The following TMPRSS11A variants were observed in gnomAD, a reference collection of about 807,000 sequenced individuals.
TMPRSS11A encodes the protein transmembrane protease serine 11A.
A neutral mutation model predicts 58.9 loss-of-function variants in TMPRSS11A; 53 were observed. That is an observed-to-expected ratio of 0.90 (90% CI 0.72 to 1.13). The LOEUF is 1.13. TMPRSS11A is among the 50% of genes most tolerant of loss of function. The pLI is 0.00. For missense variants in TMPRSS11A, 493 were observed against 499.3 expected (o/e 0.99, Z 0.12); for synonymous variants, 167 against 169.8 (o/e 0.98, Z 0.13).
chr4:67,945,896 T>G (rs963897114), intron 2 of TMPRSS11A, among the ~76,000 whole-genome samples: 3 of 152,200 alleles, frequency 2.0e-5, no homozygotes, highest in Admixed American at 6.5e-5. Flanking sequence ...CCCTGAATAT[T>G]GTTTTGGAAA....
intron 3 of TMPRSS11A, among the ~76,000 whole-genome samples, chr4:67,942,249 T>A (rs1321275109): frequency 6.6e-6 from 1 of 152,178 alleles, no homozygotes; most frequent in African/African-American, 2.4e-5. Context: ...ATGTTTGTGT[T>A]CCCCTGAAAT....
rs1177672699 is a variant in TMPRSS11A, at chr4:67,910,431, A to C, written c.*911T>G. 2.0e-5 allele frequency: 3 copies of C among 152,054 alleles called. No individual in the cohort carries two copies. The highest frequency in any genetic ancestry group is 4.4e-5 in the Non-Finnish European group (3 of 67,934). The allele number at this position is 152,054 out of a possible 1,614,324, so 9.4% of individuals were successfully genotyped here. On this transcript the variant is annotated 3_prime_UTR_variant, in exon 10 of 10. Transcript: ENST00000508048. The stretch of plus-strand genomic sequence containing the variant: ...GAACATAATGTTCTTTGATTTTTCA[A>C]GGTATTAGTAAATGCTTATTTTTTT...
At chr4:67,962,429 A>G (rs1198829806) in intron 1 of TMPRSS11A, among the ~76,000 whole-genome samples, 2 of 151,870 alleles carry the variant, frequency 1.3e-5, no homozygotes, top group Non-Finnish European at 2.9e-5. Context: ...GGAAGACTCG[A>G]CTCCAAGGAG....
chr4:67,918,849 G>C (rs756048365), intron 8 of TMPRSS11A, 124 bp downstream of exon 8: 3 of 1,122,360 alleles, frequency 2.7e-6, no homozygotes, highest in Non-Finnish European at 3.8e-6. Context: ...GTCACACAAA[G>C]TAAGAACCCT....
At chr4:67,928,203 CCTGA>C (rs1720521498) in intron 5 of TMPRSS11A, among the ~76,000 whole-genome samples, 1 of 152,100 alleles carries the variant, frequency 6.6e-6, no homozygotes, top group African/African-American at 2.4e-5. Flanking sequence ...CGTCACCAGG[CCTGA>C]CTAATATTTT....
chr4:67,947,816 C>T (rs142630953), intron 1 of TMPRSS11A, among the ~76,000 whole-genome samples: 31 of 152,256 alleles, frequency 2.0e-4, no homozygotes, highest in Non-Finnish European at 3.7e-4. Context: ...ATCTTTTTAC[C>T]GCTAAGACCC....
At position 67,922,808 on chromosome 4, in the gene TMPRSS11A, C is replaced by T; in HGVS notation, c.639G>A (p.Gly213=). The change falls in exon 7 of 10, where the codon GGG becomes GGA. Residue 213 remains glycine, a synonymous_variant. Transcript: ENST00000508048. Reference sequence around the variant, plus strand: ...GCCATGTGTTACTAATCAAGGTGGCCCCACACTGATGGATGTTATCATACT... The same window carrying T: ...GCCATGTGTTACTAATCAAGGTGGCTCCACACTGATGGATGTTATCATACT... ...SLQYDNIHQC[G]ATLISNTWLV... is the part of the protein sequence containing the mutation. 3 of 1,614,044 alleles carry T rather than the reference C, an allele frequency of 1.9e-6. No homozygotes were observed. The highest frequency in any genetic ancestry group is 2.5e-6 in the Non-Finnish European group (3 of 1,180,014).
intron 4 of TMPRSS11A, among the ~76,000 whole-genome samples, chr4:67,930,624 G>A (rs189178228): frequency 6.6e-5 from 10 of 151,548 alleles, no homozygotes; most frequent in African/African-American, 2.4e-4. Flanking sequence ...TGTGGTCCCC[G>A]AGTCTTCTCC....
chr4:67,932,963 C>A (rs139351850), intron 3 of TMPRSS11A, among the ~76,000 whole-genome samples: 1 of 152,120 alleles, frequency 6.6e-6, no homozygotes, highest in East Asian at 1.9e-4. Context: ...TGCAGTATCC[C>A]CTAGCACTCA....
In TMPRSS11A at chr4:67,959,819, A is replaced by G. The variant is rs1385044791; in HGVS notation, c.11+3564T>C. The stretch of plus-strand genomic sequence containing the variant: ...TTTAACACAGCAATCCCATTACTGA[A>G]TATATATCCAAAGAAAAATAAATCA... On this transcript the variant is annotated intron_variant, in intron 1 of 9. Coordinates refer to ENST00000508048, the MANE Select transcript of TMPRSS11A (RefSeq NM_001114387.2). Among the ~76,000 whole-genome samples the G allele has an allele frequency of 2.6e-5, 4 of 152,228 alleles. No homozygotes were observed. In the East Asian group the frequency reaches 7.7e-4, roughly 29 times the overall value.
intron 8 of TMPRSS11A, among the ~76,000 whole-genome samples, chr4:67,916,081 C>G (rs1560562453): frequency 6.6e-6 from 1 of 152,154 alleles, no homozygotes; most frequent in African/African-American, 2.4e-5. Flanking sequence ...TTCTGGTTGC[C>G]TACTGTTGAT....
chr4:67,958,230 G>A (rs12332077), intron 1 of TMPRSS11A, among the ~76,000 whole-genome samples: 18,225 of 152,108 alleles, frequency 0.12, 3,477 homozygotes, highest in African/African-American at 0.4. Flanking sequence ...GAGAACCACC[G>A]TCCTCCAGAC....
chr4:67,931,595 C>A (rs747300243), intron 4 of TMPRSS11A, among the ~76,000 whole-genome samples: 3 of 152,120 alleles, frequency 2.0e-5, no homozygotes, highest in Non-Finnish European at 2.9e-5. Context: ...ATTTTATAGC[C>A]AAGTTTGCCT....
At chr4:67,914,963 CT>C (rs1466530639) in intron 8 of TMPRSS11A, among the ~76,000 whole-genome samples, 1 of 152,032 alleles carries the variant, frequency 6.6e-6, no homozygotes. Flanking sequence ...CATTTGGATT[CT>C]TTTTCCTGGA....
chr4:67,961,420 A>T (rs1371620629), intron 1 of TMPRSS11A, among the ~76,000 whole-genome samples: 1 of 149,730 alleles, frequency 6.7e-6, no homozygotes, highest in East Asian at 1.9e-4. Context: ...TAACCATTCA[A>T]TGTTTCCCAC....
intron 7 of TMPRSS11A, among the ~76,000 whole-genome samples, chr4:67,922,270 T>C (rs923663683): frequency 6.6e-6 from 1 of 152,238 alleles, no homozygotes; most frequent in Admixed American, 6.5e-5. Flanking sequence ...CATATGTCAA[T>C]GCTCTAAATT....
intron 7 of TMPRSS11A, among the ~76,000 whole-genome samples, chr4:67,920,736 G>A (rs897985458): frequency 6.6e-6 from 1 of 151,764 alleles, no homozygotes; most frequent in Non-Finnish European, 1.5e-5. Flanking sequence ...CAGGTATTAA[G>A]CCTAGTACCC....
intron 5 of TMPRSS11A, among the ~76,000 whole-genome samples, chr4:67,924,466 C>T (rs112923771): frequency 3.3e-5 from 5 of 152,108 alleles, no homozygotes; most frequent in East Asian, 3.8e-4. Context: ...TCCAGCAGTT[C>T]GGGGTAAAGC....
In TMPRSS11A at chr4:67,922,844, T is replaced by C. The variant is rs761354490; in HGVS notation, c.603A>G (p.Gln201=). The C allele has an allele frequency of 5.0e-6, 8 of 1,614,124 alleles. No individual in the cohort carries two copies. The East Asian group carries it at 1.8e-4, about 36-fold the overall frequency. Residue 201 remains glutamine, a synonymous_variant, in exon 7 of 10, where the codon CAA becomes CAG. Transcript: ENST00000508048. ...VIAPKAAWPW[Q]ASLQYDNIHQ... is the part of the protein sequence containing the mutation. The stretch of plus-strand genomic sequence containing the variant: ...GGATGTTATCATACTGAAGGGAAGC[T>C]TGCCAAGGCCAGGCCGCCTTGGGTG...
Sources: allele counts gnomAD v4.1 joint callset (sites outside exome capture counted in the v4.1 genomes callset), GRCh38; gene constraint gnomAD v4.1.1; transcripts MANE v1.5; gene names NCBI Gene and HGNC (gene_info 2026-07-23, HGNC 2026-07-21).